The following IL17RB variants were observed in gnomAD, a reference collection of about 807,000 sequenced individuals.
IL17RB encodes the protein interleukin 17 receptor B.
IL17RB carries 36 observed loss-of-function variants against 43.9 expected under a neutral mutation model. The observed-to-expected ratio is 0.82, with a 90% confidence interval of 0.63 to 1.08. The LOEUF is 1.08. Among genes scored for constraint, IL17RB ranks in the 50% least tolerant of loss-of-function variants. The pLI is 0.00. For missense variants in IL17RB, 613 were observed against 613.6 expected (o/e 1.00, Z 0.01); for synonymous variants, 225 against 225.4 (o/e 1.00, Z 0.02).
chr3:53,846,633 C>G lies in IL17RB; in HGVS notation c.45C>G (p.Ala15=). ...LLSLAALCRS[A]VPREPTVQCG... ...GCCTGGCCGCGCTGTGCAGGAGCGC[C>G]GTACCCCGAGAGCCGGTAAGCCCCC... Residue 15 remains alanine, a synonymous_variant, in exon 1 of 11, where the codon GCC becomes GCG. Coordinates refer to ENST00000288167, the MANE Select transcript of IL17RB (RefSeq NM_018725.4). 6.3e-7 allele frequency: 1 copy of G among 1,592,306 alleles called. No individual in the cohort carries two copies. The highest frequency in any genetic ancestry group is 1.1e-5 in the South Asian group (1 of 88,434).
At chr3:53,847,928 G>A (rs1444094215) in intron 1 of IL17RB, among the ~76,000 whole-genome samples, 3 of 152,220 alleles carry the variant, frequency 2.0e-5, no homozygotes, top group African/African-American at 7.2e-5. Context: ...GTTTGGAAAT[G>A]TGGATGCTCA....
At position 53,865,047 on chromosome 3, in the gene IL17RB, T is replaced by C. The variant is rs766565095; in HGVS notation, c.1248T>C (p.Ser416=). Residue 416 remains serine (S), a synonymous_variant, in exon 11 of 11, where the codon AGT becomes AGC. Coordinates refer to ENST00000288167, the MANE Select transcript of IL17RB (RefSeq NM_018725.4). ...GTCGKSEGSP[S]ENSQDLFPLA... ...GTGGCAAGAGCGAGGGCAGTCCCAG[T>C]GAGAACTCTCAAGACCTCTTCCCCC... 5.0e-6 allele frequency: 8 copies of C among 1,614,074 alleles called. No individual in the cohort carries two copies. In the South Asian group the frequency reaches 6.6e-5, roughly 13 times the overall value.
chr3:53,863,130 A>C (rs543392008), intron 10 of IL17RB, among the ~76,000 whole-genome samples: 1 of 152,356 alleles, frequency 6.6e-6, no homozygotes, highest in East Asian at 1.9e-4. Context: ...ATAATACAGC[A>C]CATAATACAC....
Position 53,851,648 on chromosome 3 carries a change from GC to G in IL17RB, c.227-349del, listed in dbSNP as rs1699152621. ...GAGGGTCTTTGTGGGTCTCCCTGAG[GC>G]CAGCCTCTTCCTCTTAAAAGAGACC... On this transcript the variant is annotated intron_variant, in intron 3 of 10. Coordinates refer to ENST00000288167, the MANE Select transcript of IL17RB (RefSeq NM_018725.4). Among the ~76,000 whole-genome samples, 10 of 152,240 alleles carry G rather than the reference GC, an allele frequency of 6.6e-5. No homozygotes were observed. In the South Asian group the frequency reaches 2.1e-3, roughly 32 times the overall value.
At chr3:53,854,557 A>G (rs1286282059) in intron 5 of IL17RB, among the ~76,000 whole-genome samples, 1 of 152,168 alleles carries the variant, frequency 6.6e-6, no homozygotes, top group African/African-American at 2.4e-5. Flanking sequence ...TCATGATTAG[A>G]CAGGGAATTC....
chr3:53,855,437 A>C, intron 6 of IL17RB, 96 bp downstream of exon 6: 1 of 850,050 alleles, frequency 1.2e-6, no homozygotes, highest in Non-Finnish European at 1.9e-6. Context: ...ACTGAGCCCT[A>C]GGGGAGAGTT....
intron 10 of IL17RB, 57 bp from the exon 11 acceptor site, chr3:53,864,687 CAG>C: frequency 7.8e-7 from 1 of 1,279,352 alleles, no homozygotes; most frequent in South Asian, 1.4e-5. Flanking sequence ...GGATGGTTTA[CAG>C]AGTGAAAGCC....
rs771214558 is a variant in IL17RB, at chr3:53,856,836, A to G, written c.530-8A>G. 3.1e-6 allele frequency: 5 copies of G among 1,613,918 alleles called. No homozygotes were observed. The highest frequency in any genetic ancestry group is 4.2e-6 in the Non-Finnish European group (5 of 1,179,874). ...AGTTCATCTACATGGTTCTCTCTCA[A>G]CTCACAGGAAGCCTGTGGGATCCGA... On this transcript the variant is annotated splice_region_variant and splice_polypyrimidine_tract_variant and intron_variant, in intron 6 of 10. Coordinates refer to ENST00000288167, the MANE Select transcript of IL17RB (RefSeq NM_018725.4).
At position 53,853,425 on chromosome 3, in the gene IL17RB, T is replaced by C. The variant is rs147924950; in HGVS notation, c.481+428T>C. Among the ~76,000 whole-genome samples, 8 of 152,344 alleles carry C rather than the reference T, an allele frequency of 5.3e-5. No homozygotes were observed. The East Asian group carries it at 1.5e-3, about 29-fold the overall frequency. On this transcript the variant is annotated intron_variant, in intron 5 of 10. Coordinates refer to ENST00000288167, the MANE Select transcript of IL17RB (RefSeq NM_018725.4). ...CACTCTTTATATCACTGATGCAAAA[T>C]GTTTGTTCGTTCCTATCTCAGCTTT...
chr3:53,859,389 T>G (rs977014458), intron 9 of IL17RB: 1 of 152,312 alleles, frequency 6.6e-6, no homozygotes, highest in Admixed American at 6.5e-5. Context: ...GGGTCAAAAG[T>G]TGGAAGGTGT....
Position 53,865,601 on chromosome 3 carries a change from A to T in IL17RB, c.*293A>T, listed in dbSNP as rs1699758722. The stretch of plus-strand genomic sequence containing the variant: ...ATAAAGCATCTTCAGCCAAACATCT[A>T]GTCTTCCATAGACCATGCATTGCAG... On this transcript the variant is annotated 3_prime_UTR_variant, in exon 11 of 11. Coordinates refer to ENST00000288167, the MANE Select transcript of IL17RB (RefSeq NM_018725.4). 2 of 346,484 alleles carry T rather than the reference A, an allele frequency of 5.8e-6. No homozygotes were observed. The highest frequency in any genetic ancestry group is 9.0e-5 in the Admixed American group (2 of 22,304). 21.5% of individuals were successfully genotyped at this position (346,484 alleles called of 1,614,324 possible). A position where few individuals can be genotyped will look rare whatever the true frequency, so the allele number is the denominator to read the frequency against.
intron 3 of IL17RB, among the ~76,000 whole-genome samples, chr3:53,851,502 T>C (rs1699145776): frequency 6.6e-6 from 1 of 152,132 alleles, no homozygotes; most frequent in Non-Finnish European, 1.5e-5. Context: ...ATGAGTGAGT[T>C]GGGCTTTAAA....
At chr3:53,863,771 T>A (rs1001880752) in intron 10 of IL17RB, among the ~76,000 whole-genome samples, 4 of 151,916 alleles carry the variant, frequency 2.6e-5, no homozygotes, top group African/African-American at 9.7e-5. Context: ...AGTGTCCCTG[T>A]TCATATACAG....
Position 53,865,456 on chromosome 3 carries a change from GCTAA to G in IL17RB, c.*153_*156del. 1.7e-6 allele frequency: 1 copy of G among 579,292 alleles called. No individual in the cohort carries two copies. The highest frequency in any genetic ancestry group is 2.9e-6 in the Non-Finnish European group (1 of 343,554). The allele number at this position is 579,292 out of a possible 1,614,324, so 35.9% of individuals were successfully genotyped here. ...TATACCAATAAAATTTTCAAATATT[GCTAA>G]CTAATGTAGCATTAACTAACGATTG... is the stretch of plus-strand genomic sequence containing the variant. On this transcript the variant is annotated 3_prime_UTR_variant, in exon 11 of 11. Transcript: ENST00000288167.
Position 53,847,536 on chromosome 3 carries a change from G to A in IL17RB, c.60+888G>A, listed in dbSNP as rs200107083. On this transcript the variant is annotated intron_variant, in intron 1 of 10. Transcript: ENST00000288167. ...TGGCCGGGCTCGGTGGCTCACGCCT[G>A]TAATCCCAGCACTTTGGGAGGCTGA... 2.6e-4 allele frequency among the ~76,000 whole-genome samples: 40 copies of A among 151,436 alleles called. 1 individual carries two copies. In the East Asian group the frequency reaches 7.6e-3, roughly 29 times the overall value.
At chr3:53,849,358 A>T (rs1699048983) in intron 2 of IL17RB, among the ~76,000 whole-genome samples, 1 of 152,110 alleles carries the variant, frequency 6.6e-6, no homozygotes, top group Admixed American at 6.5e-5. Context: ...CAGCGCTAAG[A>T]AACATTTGGC....
rs369553643 is a variant in IL17RB at position 53,857,604 on chromosome 3, C to T, written c.673-12C>T. On this transcript the variant is annotated splice_polypyrimidine_tract_variant and intron_variant, in intron 7 of 10. Coordinates refer to ENST00000288167, the MANE Select transcript of IL17RB (RefSeq NM_018725.4). ...CTGGCACCTCATAATTCTTGACTCT[C>T]TCTCTCTTAAGCCACACCAGAAGAA... 1.9e-6 allele frequency: 3 copies of T among 1,613,540 alleles called. No individual in the cohort carries two copies. The Admixed American group carries it at 5.0e-5, about 27-fold the overall frequency.
chr3:53,857,066 C>T, intron 7 of IL17RB, 80 bp downstream of exon 7: 1 of 1,464,008 alleles, frequency 6.8e-7, no homozygotes, highest in South Asian at 1.2e-5. Context: ...CAGTGTTGTC[C>T]AAACGTGCTG....
At chr3:53,849,842 C>T (rs1161631294) in intron 3 of IL17RB, 47 bp downstream of exon 3, 1 of 1,518,462 alleles carries the variant, frequency 6.6e-7, no homozygotes, top group Admixed American at 1.9e-5. Context: ...TCTACTAAAT[C>T]AGAAATGTGC....
Sources: gnomAD v4.1 joint callset for allele counts (sites outside exome capture counted in the v4.1 genomes callset) on GRCh38, gnomAD v4.1.1 for gene constraint, MANE v1.5 for transcripts, NCBI Gene and HGNC (gene_info 2026-07-23, HGNC 2026-07-21) for gene names.